Variants in PTCH1 observed in about 807,000 individuals in gnomAD.
The protein encoded by PTCH1 is patched 1, also known as protein patched homolog 1.
Under a neutral mutation model 144.6 loss-of-function variants are expected in PTCH1, and 14 were observed. The ratio of observed to expected loss-of-function variants is 0.10; its 90% confidence interval spans 0.06 to 0.15. The LOEUF is 0.15. Among genes scored for constraint, PTCH1 ranks in the 10% least tolerant of loss-of-function variants. PTCH1 has a pLI of 1.00. For synonymous variants in PTCH1, 833 were observed against 793.6 expected (o/e 1.05, Z -0.83); for missense variants, 1,623 against 1,948.3 (o/e 0.83, Z 3.14).
intron 2 of PTCH1, among the ~76,000 whole-genome samples, chr9:95,505,266 C>T (rs553626023): frequency 1.3e-4 from 20 of 152,288 alleles, no homozygotes; most frequent in African/African-American, 4.1e-4. Flanking sequence ...CTTCAGCTTC[C>T]ACATGCTGTC....
chr9:95,456,957 T>C (rs931684233), intron 18 of PTCH1, among the ~76,000 whole-genome samples: 2 of 152,152 alleles, frequency 1.3e-5, no homozygotes, highest in Admixed American at 6.5e-5. Flanking sequence ...GCAAAGATGA[T>C]GTGGGGGCCA....
chr9:95,471,664 C>A (rs1179769771), intron 12 of PTCH1, among the ~76,000 whole-genome samples: 1 of 152,210 alleles, frequency 6.6e-6, no homozygotes, highest in African/African-American at 2.4e-5. Context: ...AGGCAGGTGT[C>A]AGGCTGCAGA....
chr9:95,493,980 A>C (rs944662798), intron 2 of PTCH1, among the ~76,000 whole-genome samples: 1 of 152,144 alleles, frequency 6.6e-6, no homozygotes, highest in East Asian at 1.9e-4. Flanking sequence ...AAAACGCTAC[A>C]ATCAGCCCAA....
chr9:95,459,620 A>G lies in PTCH1; in HGVS notation c.2867T>C (p.Met956Thr). 1 of 1,613,994 alleles carries G rather than the reference A, an allele frequency of 6.2e-7. No individual in the cohort carries two copies. Among genetic ancestry groups the G allele is most frequent in the South Asian group, 1.1e-5 (1 of 91,074 alleles). ...PEWVHDKADY[M>T]PETRLRIPAA... ...CTTACTTCTCAGCCTTGTTTCAGGC[A>G]TGTAGTCGGCTTTGTCGTGGACCCA... is the stretch of plus-strand genomic sequence containing the variant. Residue 956 changes from methionine (M) to threonine (T), a missense_variant, in exon 17 of 24, where the codon ATG becomes ACG. Met to Thr is a moderately conservative substitution (Grantham distance 81). Transcript: ENST00000331920.
intron 20 of PTCH1, chr9:95,450,867 G>T (rs181148095): frequency 1.3e-5 from 2 of 152,298 alleles, no homozygotes; most frequent in African/African-American, 4.8e-5. Flanking sequence ...GTCAGCCAGG[G>T]ACAGCCTCTG....
chr9:95,477,181 AG>A (rs1306370571), intron 10 of PTCH1, among the ~76,000 whole-genome samples: 1 of 152,244 alleles, frequency 6.6e-6, no homozygotes, highest in Non-Finnish European at 1.5e-5. Flanking sequence ...GCACATTCTC[AG>A]CCCCGGCCCC....
chr9:95,506,921 C>T (rs1843708448), intron 1 of PTCH1: 3 of 1,081,014 alleles, frequency 2.8e-6, no homozygotes, highest in Non-Finnish European at 3.4e-6. Flanking sequence ...AACCACTCGA[C>T]ACAGACAATA....
chr9:95,445,065 C>CG lies in PTCH1; in HGVS notation c.*1327dup, dbSNP rs757268237. The CG allele has an allele frequency of 7.9e-5, 12 of 152,108 alleles. No individual in the cohort carries two copies. The highest frequency in any genetic ancestry group is 1.2e-4 in the Non-Finnish European group (8 of 68,036). 9.4% of individuals were successfully genotyped at this position (152,108 alleles called of 1,614,324 possible). ...AACACTGGTGCATGAAGAATCCCCC[C>CG]GGAGCTCTTATCCTACATAATGCCT... On this transcript the variant is annotated 3_prime_UTR_variant, in exon 24 of 24. Transcript: ENST00000331920.
At chr9:95,457,967 G>C (rs2136659388) in intron 18 of PTCH1, 46 bp downstream of exon 18, 1 of 1,611,118 alleles carries the variant, frequency 6.2e-7, no homozygotes, top group African/African-American at 1.3e-5. Flanking sequence ...AAAGAGCTAT[G>C]CTGAAAGGAA....
intron 14 of PTCH1, among the ~76,000 whole-genome samples, chr9:95,467,732 T>C (rs1373592366): frequency 6.6e-6 from 1 of 152,000 alleles, no homozygotes; most frequent in Non-Finnish European, 1.5e-5. Flanking sequence ...GCCTCCCAAG[T>C]AGCTGGGATT....
chr9:95,473,777 C>T (rs1234908098), intron 12 of PTCH1, among the ~76,000 whole-genome samples: 3 of 151,742 alleles, frequency 2.0e-5, no homozygotes, highest in African/African-American at 7.3e-5. Context: ...CTCCTGACCT[C>T]GTGATCCACC....
upstream of PTCH1, among the ~76,000 whole-genome samples, chr9:95,511,267 C>T (rs1301203857): frequency 6.6e-6 from 1 of 151,928 alleles, no homozygotes; most frequent in Non-Finnish European, 1.5e-5. Flanking sequence ...TCCCCGCTTC[C>T]TTCCTTCGGC....
Position 95,506,549 on chromosome 9 carries a change from C to T in PTCH1, c.252G>A (p.Gln84=), listed in dbSNP as rs587780698. Residue 84 remains glutamine, a synonymous_variant, in exon 2 of 24, where the codon CAG becomes CAA. Coordinates refer to ENST00000331920, the MANE Select transcript of PTCH1 (RefSeq NM_000264.5). ...AACAACCCAGTTTAAATAAGAGTCT[C>T]TGAAACTTCGCTCTCAGCCACAGCG... ...KAPLWLRAKF[Q]RLLFKLGCYI... The T allele has an allele frequency of 6.2e-7, 1 of 1,613,400 alleles. No individual in the cohort carries two copies. Among genetic ancestry groups the T allele is most frequent in the Non-Finnish European group, 8.5e-7 (1 of 1,179,636 alleles).
intron 20 of PTCH1, chr9:95,452,685 A>G (rs1420863154): frequency 6.6e-6 from 1 of 152,332 alleles, no homozygotes; most frequent in African/African-American, 2.4e-5. Context: ...GATTCCCAAG[A>G]GTTGACACCA....
At chr9:95,516,440 TC>T in intron 1 of PTCH1, 3 of 1,391,714 alleles carry the variant, frequency 2.2e-6, no homozygotes, top group Non-Finnish European at 2.8e-6. Flanking sequence ...CGAGGTGGCG[TC>T]GGCGGCCGCC....
At chr9:95,492,175 T>C (rs982818900) in intron 2 of PTCH1, among the ~76,000 whole-genome samples, 2 of 152,234 alleles carry the variant, frequency 1.3e-5, no homozygotes, top group Non-Finnish European at 2.9e-5. Flanking sequence ...TACAGTAACC[T>C]CTCAGTGAAA....
At chr9:95,514,638 G>GTT (rs1844286879) in intron 1 of PTCH1, 1 of 138,562 alleles carries the variant, frequency 7.2e-6, no homozygotes, top group Non-Finnish European at 1.6e-5. Context: ...GTGTGTGTGT[G>GTT]TGTGTGTGTG....
chr9:95,454,061 A>G (rs1838703108), intron 19 of PTCH1, among the ~76,000 whole-genome samples: 1 of 152,234 alleles, frequency 6.6e-6, no homozygotes, highest in South Asian at 2.1e-4. Flanking sequence ...ACGATTATGC[A>G]GAGGTGAGAC....
chr9:95,472,771 C>T (rs903316187), intron 12 of PTCH1, among the ~76,000 whole-genome samples: 3 of 152,210 alleles, frequency 2.0e-5, no homozygotes, highest in Non-Finnish European at 4.4e-5. Flanking sequence ...CTGACTTTCT[C>T]ATAACCTACT....
Sources: allele counts gnomAD v4.1 joint callset (sites outside exome capture counted in the v4.1 genomes callset), GRCh38; gene constraint gnomAD v4.1.1; transcripts MANE v1.5; gene names NCBI Gene and HGNC (gene_info 2026-07-23, HGNC 2026-07-21).